Variants in NKAIN3 observed in about 807,000 individuals in gnomAD.
NKAIN3 encodes sodium/potassium transporting ATPase interacting 3.
NKAIN3 carries 25 observed loss-of-function variants against 30.2 expected under a neutral mutation model. That is an observed-to-expected ratio of 0.83 (90% confidence interval 0.60 to 1.16). The LOEUF (loss-of-function observed/expected upper bound fraction) is 1.16, where lower values mean the gene tolerates loss of function less well. NKAIN3 is among the 50% of genes most tolerant of loss of function. The probability of loss-of-function intolerance (pLI) is 0.00; values close to 1 mark genes in which losing one functional copy is unlikely to be tolerated. For synonymous variants in NKAIN3, 91 were observed against 89.6 expected, an observed-to-expected ratio of 1.02 and a Z score of -0.09; for missense variants, 225 against 254.1, an observed-to-expected ratio of 0.89 and a Z score of 0.78.
chr8:62,625,343 A>G lies in NKAIN3; in HGVS notation c.273+35549A>G, dbSNP rs1406540060. 3.3e-5 allele frequency among the ~76,000 whole-genome samples: 5 copies of G among 152,254 alleles called. No homozygotes were observed. The South Asian group carries it at 6.2e-4, about 19-fold the overall frequency. The stretch of plus-strand genomic sequence containing the variant: ...CCAAAAGATAGGCACCATTATCTAC[A>G]TGTAACAGATAAGGAAGCTAGAGTT... On this transcript the variant is annotated intron_variant, in intron 3 of 6. Transcript: ENST00000623646.
At chr8:62,345,512 T>TAC (rs374481157) in intron 1 of NKAIN3, among the ~76,000 whole-genome samples, 95,586 of 120,716 alleles carry the variant, frequency 0.79, 39,903 homozygotes, top group East Asian at 0.91. Flanking sequence ...TACACATATA[T>TAC]ACACATATAT....
intron 4 of NKAIN3, among the ~76,000 whole-genome samples, chr8:62,797,253 T>A (rs895584699): frequency 2.6e-5 from 4 of 152,232 alleles, no homozygotes; most frequent in Non-Finnish European, 5.9e-5. Context: ...AAATGGGCTC[T>A]CTTGTTCACC....
chr8:62,503,889 G>A (rs1444670594), intron 1 of NKAIN3, among the ~76,000 whole-genome samples: 3 of 152,016 alleles, frequency 2.0e-5, no homozygotes, highest in Non-Finnish European at 2.9e-5. Context: ...CAATCAATTT[G>A]TACAGTTAAC....
chr8:62,421,546 A>G (rs1804640817), intron 1 of NKAIN3, among the ~76,000 whole-genome samples: 2 of 151,804 alleles, frequency 1.3e-5, no homozygotes, highest in Non-Finnish European at 2.9e-5. Flanking sequence ...CTGGGGTGGA[A>G]CTCATTTTTC....
At chr8:62,940,158 A>G (rs1822910118) in intron 5 of NKAIN3, among the ~76,000 whole-genome samples, 2 of 151,862 alleles carry the variant, frequency 1.3e-5, no homozygotes, top group Non-Finnish European at 2.9e-5. Context: ...GTTAAAAAAA[A>G]AAAAGACAAA....
At chr8:62,990,246 T>C (rs1202057397) in intron 5 of NKAIN3, 5 of 1,536,164 alleles carry the variant, frequency 3.3e-6, no homozygotes. Flanking sequence ...ATTAGTAAGA[T>C]ATTATCACCA....
chr8:62,582,081 C>T (rs898440362), intron 2 of NKAIN3, among the ~76,000 whole-genome samples: 3 of 146,782 alleles, frequency 2.0e-5, no homozygotes, highest in African/African-American at 7.6e-5. Flanking sequence ...CCCTCCCTCT[C>T]TCCCTCCCTC....
chr8:62,412,169 A>G (rs1804258406), intron 1 of NKAIN3, among the ~76,000 whole-genome samples: 1 of 152,246 alleles, frequency 6.6e-6, no homozygotes, highest in Non-Finnish European at 1.5e-5. Context: ...TTCAAACTAT[A>G]CTATAAAGAT....
At chr8:62,417,023 A>G (rs1453287918) in intron 1 of NKAIN3, among the ~76,000 whole-genome samples, 1 of 151,158 alleles carries the variant, frequency 6.6e-6, no homozygotes, top group African/African-American at 2.4e-5. Context: ...TATATATATG[A>G]CTATAGTCAC....
intron 1 of NKAIN3, among the ~76,000 whole-genome samples, chr8:62,337,986 GA>G (rs1380875232): frequency 6.6e-6 from 1 of 151,868 alleles, no homozygotes; most frequent in African/African-American, 2.4e-5. Flanking sequence ...AAGGGGATAG[GA>G]AAAAACTTTT....
intron 4 of NKAIN3, among the ~76,000 whole-genome samples, chr8:62,755,892 A>G (rs1393895018): frequency 6.6e-6 from 1 of 152,188 alleles, no homozygotes; most frequent in Admixed American, 6.5e-5. Context: ...GAGAATTTCC[A>G]TGCCAAAAAT....
At chr8:62,860,495 A>T (rs77606070) in intron 4 of NKAIN3, among the ~76,000 whole-genome samples, 12,450 of 152,272 alleles carry the variant, frequency 0.082, 800 homozygotes, top group East Asian at 0.29. Flanking sequence ...AACATTGCAG[A>T]TAATTTACAC....
intron 4 of NKAIN3, among the ~76,000 whole-genome samples, chr8:62,899,520 A>G (rs995649666): frequency 2.6e-5 from 4 of 152,154 alleles, no homozygotes; most frequent in African/African-American, 9.7e-5. Context: ...GTTCTCACCT[A>G]TATGTGGGAT....
intron 3 of NKAIN3, among the ~76,000 whole-genome samples, chr8:62,678,002 G>C (rs1208747085): frequency 1.3e-5 from 2 of 152,160 alleles, no homozygotes; most frequent in Admixed American, 1.3e-4. Flanking sequence ...TTCAAATTCA[G>C]TGAGAAAGCT....
chr8:62,726,515 A>T (rs917988960), intron 3 of NKAIN3, among the ~76,000 whole-genome samples: 3 of 151,922 alleles, frequency 2.0e-5, no homozygotes, highest in African/African-American at 7.2e-5. Context: ...AGGATGTAGA[A>T]TTTTATCAAA....
chr8:62,774,065 G>A, intron 4 of NKAIN3, among the ~76,000 whole-genome samples: 1 of 152,184 alleles, frequency 6.6e-6, no homozygotes, highest in Non-Finnish European at 1.5e-5. Flanking sequence ...CCATTTTTCT[G>A]TGTCTTAAAT....
chr8:62,848,198 C>A (rs1167785623), intron 4 of NKAIN3, among the ~76,000 whole-genome samples: 1 of 152,042 alleles, frequency 6.6e-6, no homozygotes, highest in Admixed American at 6.6e-5. Flanking sequence ...AATAGTTTTT[C>A]TGATTCTGTG....
At chr8:62,315,654 G>C (rs1814597142) in intron 1 of NKAIN3, among the ~76,000 whole-genome samples, 1 of 152,148 alleles carries the variant, frequency 6.6e-6, no homozygotes, top group South Asian at 2.1e-4. Flanking sequence ...TTCTGCCTTA[G>C]AGGCTGGTGT....
intron 3 of NKAIN3, among the ~76,000 whole-genome samples, chr8:62,672,481 T>A (rs909940221): frequency 6.6e-6 from 1 of 152,198 alleles, no homozygotes; most frequent in Admixed American, 6.5e-5. Flanking sequence ...TTGCCAGCTA[T>A]GAGAAAAGCC....
Sources: allele counts gnomAD v4.1 joint callset (sites outside exome capture counted in the v4.1 genomes callset), GRCh38; gene constraint gnomAD v4.1.1; transcripts MANE v1.5; gene names NCBI Gene and HGNC (gene_info 2026-07-23, HGNC 2026-07-21).